Variants in PLCG2 observed in about 807,000 individuals in gnomAD.
PLCG2 encodes the protein phospholipase C gamma 2, also known as 1-phosphatidylinositol 4,5-bisphosphate phosphodiesterase gamma-2.
In PLCG2, 69 loss-of-function variants were observed where a neutral mutation model predicts 175.6. That is an observed-to-expected ratio of 0.39 (90% confidence interval 0.32 to 0.48). The LOEUF (loss-of-function observed/expected upper bound fraction) is 0.48. Ranked by LOEUF, PLCG2 falls within the 20% of genes least tolerant of loss-of-function variation. The pLI is 0.91. For synonymous variants in PLCG2, 827 were observed against 624.0 expected (o/e 1.33, Z -4.85); for missense variants, 1,798 against 1,650.9 (o/e 1.09, Z -1.54).
At chr16:81,896,995 A>G (rs1433309380) in intron 13 of PLCG2, among the ~76,000 whole-genome samples, 1 of 152,232 alleles carries the variant, frequency 6.6e-6, no homozygotes, top group African/African-American at 2.4e-5. Context: ...AGAGCCAGAT[A>G]CAAATGTTTC....
chr16:81,946,940 G>C (rs1451353625), intron 31 of PLCG2, among the ~76,000 whole-genome samples: 5 of 151,864 alleles, frequency 3.3e-5, no homozygotes, highest in African/African-American at 1.2e-4. Flanking sequence ...TCCCTCCCCA[G>C]CTCACTGAAG....
intron 2 of PLCG2, chr16:81,766,624 C>T (rs1567696976): frequency 6.6e-6 from 1 of 152,390 alleles, no homozygotes; most frequent in Non-Finnish European, 1.5e-5. Context: ...TGGAAATGAT[C>T]TTGTTTATGT....
At chr16:81,750,021 C>T (rs1302171931) in intron 1 of PLCG2, among the ~76,000 whole-genome samples, 3 of 151,274 alleles carry the variant, frequency 2.0e-5, no homozygotes, top group Non-Finnish European at 4.4e-5. Context: ...GTAAAAACAA[C>T]AGTAGAATAA....
intron 2 of PLCG2, among the ~76,000 whole-genome samples, chr16:81,828,400 G>A (rs748491334): frequency 4.0e-5 from 6 of 151,694 alleles, no homozygotes; most frequent in Admixed American, 6.6e-5. Flanking sequence ...ACCACGCCCG[G>A]CTAATTTTTT....
intron 2 of PLCG2, among the ~76,000 whole-genome samples, chr16:81,835,701 C>G (rs1905478061): frequency 6.6e-6 from 1 of 152,282 alleles, no homozygotes; most frequent in East Asian, 1.9e-4. Context: ...AAATGAGGGA[C>G]TTAAAACAGA....
chr16:81,836,362 G>C (rs909896518), intron 2 of PLCG2, among the ~76,000 whole-genome samples: 1 of 152,184 alleles, frequency 6.6e-6, no homozygotes, highest in African/African-American at 2.4e-5. Flanking sequence ...CCCACTGGTG[G>C]AGCCAAGAGG....
chr16:81,826,313 G>C (rs1816155086), intron 2 of PLCG2, among the ~76,000 whole-genome samples: 1 of 152,150 alleles, frequency 6.6e-6, no homozygotes, highest in African/African-American at 2.4e-5. Flanking sequence ...TCAGAGATGG[G>C]GGAACCGAGA....
At chr16:81,904,268 C>G (rs552983127) in intron 14 of PLCG2, among the ~76,000 whole-genome samples, 4 of 152,144 alleles carry the variant, frequency 2.6e-5, no homozygotes, top group African/African-American at 9.7e-5. Flanking sequence ...CCCGATTTTA[C>G]GAGACAGATT....
chr16:81,781,092 A>C (rs1910710469), intron 1 of PLCG2, among the ~76,000 whole-genome samples: 2 of 152,042 alleles, frequency 1.3e-5, no homozygotes, highest in South Asian at 4.1e-4. Flanking sequence ...CAAGAACACA[A>C]AGAGAAAAAT....
chr16:81,844,166 T>TC (rs1905987639), intron 2 of PLCG2, among the ~76,000 whole-genome samples: 1 of 116,652 alleles, frequency 8.6e-6, no homozygotes, highest in Non-Finnish European at 1.8e-5. Context: ...TTTTTTTTTT[T>TC]GGTATTTTTA....
At chr16:81,766,464 C>A (rs549552212) in intron 2 of PLCG2, among the ~76,000 whole-genome samples, 2 of 140,326 alleles carry the variant, frequency 1.4e-5, no homozygotes, top group Non-Finnish European at 3.1e-5. Context: ...ACTTAGCCAG[C>A]GCCTCCTCCT....
intron 11 of PLCG2, 133 bp from the exon 12 acceptor site, chr16:81,893,576 T>C: frequency 3.0e-6 from 2 of 667,744 alleles, no homozygotes; most frequent in Non-Finnish European, 5.3e-6. Context: ...GCTTTGAGTC[T>C]TTCTACATGG....
At chr16:81,953,633 G>A (rs891818420) in intron 31 of PLCG2, among the ~76,000 whole-genome samples, 2 of 152,124 alleles carry the variant, frequency 1.3e-5, no homozygotes. Flanking sequence ...AGACTCAAAA[G>A]AAATCCAGGA....
At chr16:81,804,106 A>G (rs894026775) in intron 2 of PLCG2, among the ~76,000 whole-genome samples, 1 of 152,198 alleles carries the variant, frequency 6.6e-6, no homozygotes, top group African/African-American at 2.4e-5. Flanking sequence ...GTAACTGTTT[A>G]ATCACTTAAG....
At chr16:81,810,745 ACTAT>A (rs1904310936) in intron 2 of PLCG2, among the ~76,000 whole-genome samples, 1 of 151,786 alleles carries the variant, frequency 6.6e-6, no homozygotes, top group Non-Finnish European at 1.5e-5. Context: ...TTATTCAGTG[ACTAT>A]CTATGGATCA....
intron 9 of PLCG2, 133 bp from the exon 10 acceptor site, chr16:81,889,039 T>G (rs1908506368): frequency 5.0e-6 from 3 of 602,906 alleles, no homozygotes; most frequent in South Asian, 4.0e-5. Context: ...CCTCAACATG[T>G]GGTGGTCGAT....
rs970144361 is a variant in PLCG2, at chr16:81,867,767, G to C, written c.480-1447G>C. Among the ~76,000 whole-genome samples, 4 of 151,738 alleles carry C rather than the reference G, an allele frequency of 2.6e-5. No homozygotes were observed. In the East Asian group the frequency reaches 5.8e-4, roughly 22 times the overall value. ...GGCTGGAGTGCAGTGGCGTGATCTC[G>C]GCTCACTGCAAGCTCCGCCTCCCGA... On this transcript the variant is annotated intron_variant, in intron 5 of 32. Transcript: ENST00000564138.
intron 2 of PLCG2, among the ~76,000 whole-genome samples, chr16:81,830,918 G>T (rs1017265958): frequency 1.3e-5 from 2 of 151,888 alleles, no homozygotes; most frequent in African/African-American, 4.8e-5. Flanking sequence ...AGGCACTGCG[G>T]GTCATGAGGG....
chr16:81,781,732 T>C (rs1037042974), intron 1 of PLCG2, among the ~76,000 whole-genome samples: 1 of 152,200 alleles, frequency 6.6e-6, no homozygotes, highest in Non-Finnish European at 1.5e-5. Context: ...TTGCCTGTGC[T>C]CCATTTTAAC....
Sources: allele counts gnomAD v4.1 joint callset (sites outside exome capture counted in the v4.1 genomes callset), GRCh38; gene constraint gnomAD v4.1.1; transcripts MANE v1.5; gene names NCBI Gene and HGNC (gene_info 2026-07-23, HGNC 2026-07-21).